CHIC2: variants seen among roughly 807,000 people sequenced by gnomAD.
The protein encoded by CHIC2 is cysteine rich hydrophobic domain 2, also known as cysteine-rich hydrophobic domain-containing protein 2.
In CHIC2, 14 loss-of-function variants were observed where a neutral mutation model predicts 25.9. The ratio of observed to expected loss-of-function variants is 0.54; its 90% CI spans 0.36 to 0.85. The LOEUF (loss-of-function observed/expected upper bound fraction) is 0.85, where lower values mean the gene tolerates loss of function less well. Among genes scored for constraint, CHIC2 ranks in the 40% least tolerant of loss-of-function variants. The pLI, the probability that CHIC2 is intolerant of heterozygous loss-of-function variation, is 0.01. For missense variants in CHIC2, 146 were observed against 202.0 expected, an observed-to-expected ratio of 0.72 and a Z score of 1.68; for synonymous variants, 70 against 72.0, an observed-to-expected ratio of 0.97 and a Z score of 0.14.
chr4:54,029,213 C>T (rs527662423), intron 3 of CHIC2, among the ~76,000 whole-genome samples: 105 of 151,506 alleles, frequency 6.9e-4, no homozygotes, highest in Non-Finnish European at 1.3e-3. Flanking sequence ...GATTTAAATA[C>T]AAACCATAAC....
At chr4:54,029,891 C>T (rs1399075984) in intron 3 of CHIC2, among the ~76,000 whole-genome samples, 3 of 152,152 alleles carry the variant, frequency 2.0e-5, no homozygotes, top group Admixed American at 2.0e-4. Context: ...TTAAGTCTTA[C>T]AAAGTTGCAT....
At chr4:54,068,193 C>T (rs1234400420), upstream of CHIC2, among the ~76,000 whole-genome samples, 1 of 152,102 alleles carries the variant, frequency 6.6e-6, no homozygotes, top group African/African-American at 2.4e-5. Flanking sequence ...TTGTTTAAGC[C>T]ACCCAGGCTA....
the CHIC2 span, among the ~76,000 whole-genome samples, chr4:54,082,760 C>G: frequency 6.6e-6 from 1 of 152,060 alleles, no homozygotes; most frequent in South Asian, 2.1e-4. Context: ...ATAGACTCAC[C>G]AAAAGATTAT....
the CHIC2 span, among the ~76,000 whole-genome samples, chr4:54,083,843 A>C: frequency 6.6e-6 from 1 of 152,130 alleles, no homozygotes; most frequent in African/African-American, 2.4e-5. Flanking sequence ...ATCTTACTAC[A>C]GAGGCCTTCA....
At chr4:54,063,115 A>G (rs1473480660) in intron 1 of CHIC2, among the ~76,000 whole-genome samples, 1 of 152,256 alleles carries the variant, frequency 6.6e-6, no homozygotes, top group Non-Finnish European at 1.5e-5. Flanking sequence ...GAGAAGTCTT[A>G]CTGTTTCCCT....
chr4:54,032,880 G>T (rs1209859795), intron 3 of CHIC2, among the ~76,000 whole-genome samples: 1 of 152,146 alleles, frequency 6.6e-6, no homozygotes, highest in African/African-American at 2.4e-5. Flanking sequence ...ATCTCATGTT[G>T]AAATGTAATC....
At chr4:54,060,221 C>G (rs1167281180) in intron 1 of CHIC2, 1 of 152,084 alleles carries the variant, frequency 6.6e-6, no homozygotes, top group African/African-American at 2.4e-5. Flanking sequence ...CAGTGTAGTT[C>G]CCAAACATTT....
chr4:54,044,663 T>C (rs1264239120), intron 3 of CHIC2, among the ~76,000 whole-genome samples: 1 of 151,964 alleles, frequency 6.6e-6, no homozygotes, highest in Non-Finnish European at 1.5e-5. Context: ...TAGAGGGAAA[T>C]TTATAGCACT....
At chr4:54,091,499 C>T in the CHIC2 span, among the ~76,000 whole-genome samples, 1 of 152,190 alleles carries the variant, frequency 6.6e-6, no homozygotes, top group African/African-American at 2.4e-5. Flanking sequence ...CATTCATACA[C>T]TCATATATTC....
At chr4:54,024,529 A>G (rs1277807395) in intron 3 of CHIC2, among the ~76,000 whole-genome samples, 1 of 152,162 alleles carries the variant, frequency 6.6e-6, no homozygotes, top group East Asian at 1.9e-4. Flanking sequence ...TTTAACAAAC[A>G]ATTGCTGGCT....
chr4:54,022,140 C>T (rs1715917864), intron 3 of CHIC2, among the ~76,000 whole-genome samples: 1 of 152,184 alleles, frequency 6.6e-6, no homozygotes. Context: ...TCCTCCTTAG[C>T]CGTGTCCCAT....
At position 54,013,876 on chromosome 4, in the gene CHIC2, C is replaced by T. The variant is rs896000745; in HGVS notation, c.408G>A (p.Leu136=). The change falls in exon 5 of 6, where the codon CTG becomes CTA. Residue 136 remains leucine (L), a synonymous_variant. Transcript: ENST00000263921. ...LYHKLCLHWR[L]SKRKCETNNM... is the part of the protein sequence containing the mutation. Reference sequence around the variant, plus strand: ...TATTCGTTTCACATTTCCTTTTGCTCAGTCTCCAATGCAAGCACAGCTAGA... The same window carrying T: ...TATTCGTTTCACATTTCCTTTTGCTTAGTCTCCAATGCAAGCACAGCTAGA... 1 of 1,613,280 alleles carries T rather than the reference C, an allele frequency of 6.2e-7. No homozygotes were observed. The highest frequency in any genetic ancestry group is 8.5e-7 in the Non-Finnish European group (1 of 1,179,530).
intron 4 of CHIC2, 32 bp from the exon 5 acceptor site, chr4:54,013,928 T>A (rs765622981): frequency 6.2e-7 from 1 of 1,610,056 alleles, no homozygotes; most frequent in Non-Finnish European, 8.5e-7. Flanking sequence ...AGAAGAAAAA[T>A]GAGCTCTATT....
chr4:54,036,952 A>C (rs1303827878), intron 3 of CHIC2, among the ~76,000 whole-genome samples: 2 of 152,208 alleles, frequency 1.3e-5, no homozygotes, highest in East Asian at 3.8e-4. Flanking sequence ...AATGTCCATC[A>C]GCAGGTAAAT....
intron 3 of CHIC2, among the ~76,000 whole-genome samples, chr4:54,021,517 T>G (rs185276359): frequency 1.3e-5 from 2 of 152,210 alleles, no homozygotes; most frequent in Admixed American, 6.5e-5. Flanking sequence ...CCCTATAATC[T>G]TTTTATCAAC....
chr4:54,078,675 C>T, the CHIC2 span, among the ~76,000 whole-genome samples: 11 of 151,838 alleles, frequency 7.2e-5, no homozygotes, highest in African/African-American at 2.4e-4. Flanking sequence ...ACTACCACAC[C>T]CCGTTAATTT....
At chr4:54,048,233 G>T (rs759472537) in intron 3 of CHIC2, among the ~76,000 whole-genome samples, 1 of 152,078 alleles carries the variant, frequency 6.6e-6, no homozygotes, top group African/African-American at 2.4e-5. Flanking sequence ...CAAGTGATCC[G>T]CCCGCCTTGG....
chr4:54,058,563 C>CAT (rs1717244671), intron 1 of CHIC2, among the ~76,000 whole-genome samples: 1 of 124,514 alleles, frequency 8.0e-6, no homozygotes, highest in African/African-American at 4.9e-5. Flanking sequence ...CACACATACA[C>CAT]ACACACACAC....
Position 54,039,331 on chromosome 4 carries a change from C to T in CHIC2, c.330+9624G>A, listed in dbSNP as rs187124253. Among the ~76,000 whole-genome samples, 184 of 152,156 alleles carry T rather than the reference C, an allele frequency of 1.2e-3. 3 individuals are homozygous for T. Among genetic ancestry groups the T allele is most frequent in the Non-Finnish European group, 3.5e-4 (24 of 67,992 alleles). On this transcript the variant is annotated intron_variant, in intron 3 of 5. Coordinates refer to ENST00000263921, the MANE Select transcript of CHIC2 (RefSeq NM_012110.4). The stretch of plus-strand genomic sequence containing the variant: ...GCAAATATATATTAGCACGTATCTG[C>T]CAGGGGACTTATTTTCAGAATTATA...
Sources: gnomAD v4.1 joint callset for allele counts (sites outside exome capture counted in the v4.1 genomes callset) on GRCh38, gnomAD v4.1.1 for gene constraint, MANE v1.5 for transcripts, NCBI Gene and HGNC (gene_info 2026-07-23, HGNC 2026-07-21) for gene names.